CTNNA2: variants seen among roughly 807,000 people sequenced by gnomAD.
CTNNA2 encodes catenin alpha-2.
In CTNNA2, 42 loss-of-function variants were observed where a neutral mutation model predicts 101.0. That is an observed-to-expected ratio of 0.42 (90% CI 0.32 to 0.54). The LOEUF (loss-of-function observed/expected upper bound fraction) is 0.54, where lower values mean the gene tolerates loss of function less well. Ranked by LOEUF, CTNNA2 falls within the 20% of genes least tolerant of loss-of-function variation. The pLI, the probability that CTNNA2 is intolerant of heterozygous loss-of-function variation, is 0.14. For synonymous variants in CTNNA2, 450 were observed against 456.4 expected (o/e 0.99, Z 0.18); for missense variants, 871 against 1,223.1 (o/e 0.71, Z 4.29).
intron 7 of CTNNA2, among the ~76,000 whole-genome samples, chr2:80,321,768 A>G (rs1371044051): frequency 6.6e-6 from 1 of 152,194 alleles, no homozygotes. Flanking sequence ...AGAAATGCTA[A>G]ATCACCAGTA....
At chr2:80,484,095 A>G (rs1428458684) in intron 9 of CTNNA2, among the ~76,000 whole-genome samples, 7 of 152,346 alleles carry the variant, frequency 4.6e-5, no homozygotes, top group African/African-American at 1.4e-4. Context: ...ATTATGAGTT[A>G]GAAATAAAGT....
intron 1 of CTNNA2, among the ~76,000 whole-genome samples, chr2:79,523,591 A>G (rs937265726): frequency 6.6e-6 from 1 of 152,138 alleles, no homozygotes; most frequent in East Asian, 1.9e-4. Context: ...GTCTACATGT[A>G]CTAATGTATT....
intron 7 of CTNNA2, among the ~76,000 whole-genome samples, chr2:80,208,844 A>T (rs1200450387): frequency 6.6e-6 from 1 of 152,184 alleles, no homozygotes; most frequent in African/African-American, 2.4e-5. Flanking sequence ...AATATTTGTT[A>T]TGCAAAGCCC....
intron 7 of CTNNA2, among the ~76,000 whole-genome samples, chr2:80,067,952 C>T (rs891835167): frequency 6.6e-6 from 1 of 152,220 alleles, no homozygotes; most frequent in Non-Finnish European, 1.5e-5. Context: ...ATCTTGACCG[C>T]AACCTGATGA....
intron 2 of CTNNA2, among the ~76,000 whole-genome samples, chr2:79,259,662 G>T (rs912589604): frequency 3.9e-5 from 6 of 152,158 alleles, no homozygotes; most frequent in African/African-American, 1.4e-4. Flanking sequence ...GAGCATGAAG[G>T]CAAGGCTGTG....
chr2:80,264,814 TC>T (rs1265391440), intron 7 of CTNNA2, among the ~76,000 whole-genome samples: 1 of 152,090 alleles, frequency 6.6e-6, no homozygotes, highest in Non-Finnish European at 1.5e-5. Flanking sequence ...AGCAAATATT[TC>T]TTCTTATGTG....
intron 4 of CTNNA2, among the ~76,000 whole-genome samples, chr2:79,424,511 T>A (rs1678572800): frequency 1.3e-5 from 2 of 152,098 alleles, no homozygotes; most frequent in Admixed American, 6.6e-5. Flanking sequence ...CCGTTAGTGG[T>A]TAATAAACAA....
At chr2:80,608,764 A>G (rs991022059) in intron 17 of CTNNA2, among the ~76,000 whole-genome samples, 2 of 151,870 alleles carry the variant, frequency 1.3e-5, no homozygotes, top group Non-Finnish European at 2.9e-5. Flanking sequence ...TCAGGTTCCA[A>G]TGCATACTAG....
At chr2:79,755,414 T>A (rs1672330954) in intron 3 of CTNNA2, among the ~76,000 whole-genome samples, 6 of 152,162 alleles carry the variant, frequency 3.9e-5, no homozygotes, top group Admixed American at 3.9e-4. Context: ...ATGTCGTTCT[T>A]GAGTCTATGA....
chr2:79,527,776 A>G (rs1258258722), intron 1 of CTNNA2, among the ~76,000 whole-genome samples: 4 of 152,188 alleles, frequency 2.6e-5, no homozygotes, highest in East Asian at 1.9e-4. Flanking sequence ...AAAGTTAAAT[A>G]TAAAATTTCC....
At chr2:80,532,333 C>G (rs994791718) in intron 9 of CTNNA2, among the ~76,000 whole-genome samples, 2 of 152,270 alleles carry the variant, frequency 1.3e-5, no homozygotes, top group South Asian at 4.1e-4. Flanking sequence ...TGAAATCTTG[C>G]ACCCTCTAGC....
At chr2:80,083,623 C>T (rs1699274817) in intron 7 of CTNNA2, among the ~76,000 whole-genome samples, 1 of 152,080 alleles carries the variant, frequency 6.6e-6, no homozygotes, top group Non-Finnish European at 1.5e-5. Context: ...TGAGGATGTT[C>T]TTGAAGAGTC....
chr2:80,315,436 A>G (rs987112742), intron 7 of CTNNA2, among the ~76,000 whole-genome samples: 9 of 152,198 alleles, frequency 5.9e-5, no homozygotes, highest in African/African-American at 2.2e-4. Context: ...AGAAGACTGG[A>G]CAATCCAGGA....
At chr2:80,639,045 A>C (rs1050997560) in intron 18 of CTNNA2, among the ~76,000 whole-genome samples, 2 of 125,244 alleles carry the variant, frequency 1.6e-5, no homozygotes, top group Non-Finnish European at 3.8e-5. Flanking sequence ...AAAAGATAAC[A>C]GACCTCTTGT....
chr2:79,624,349 A>G (rs1156566162), intron 1 of CTNNA2, among the ~76,000 whole-genome samples: 1 of 151,702 alleles, frequency 6.6e-6, no homozygotes, highest in Non-Finnish European at 1.5e-5. Flanking sequence ...TTTTTTGTCT[A>G]CAGTTAGCAA....
chr2:80,354,501 A>G (rs1256499154), intron 7 of CTNNA2, among the ~76,000 whole-genome samples: 1 of 152,164 alleles, frequency 6.6e-6, no homozygotes, highest in East Asian at 1.9e-4. Context: ...TTCTGGAGAT[A>G]GAATTTTGAG....
chr2:79,737,662 G>A (rs1670996243), intron 2 of CTNNA2, among the ~76,000 whole-genome samples: 1 of 152,152 alleles, frequency 6.6e-6, no homozygotes, highest in Non-Finnish European at 1.5e-5. Context: ...GATGGGTCCT[G>A]AAATTCTACA....
chr2:80,639,104 C>T (rs1290386722), intron 18 of CTNNA2, among the ~76,000 whole-genome samples: 1 of 152,202 alleles, frequency 6.6e-6, no homozygotes, highest in East Asian at 1.9e-4. Flanking sequence ...AAAATATTTG[C>T]TTTACAAGAT....
chr2:79,471,005 G>T (rs897941741), intron 4 of CTNNA2, among the ~76,000 whole-genome samples: 1 of 152,158 alleles, frequency 6.6e-6, no homozygotes, highest in Admixed American at 6.5e-5. Flanking sequence ...AAGGTCAAAT[G>T]ATATCACAGA....
Sources: allele counts gnomAD v4.1 joint callset (sites outside exome capture counted in the v4.1 genomes callset), GRCh38; gene constraint gnomAD v4.1.1; transcripts MANE v1.5; gene names NCBI Gene and HGNC (gene_info 2026-07-23, HGNC 2026-07-21).